The following TRIOBP variants were observed in gnomAD, a reference collection of about 807,000 sequenced individuals.
The protein encoded by TRIOBP is TRIO and F-actin binding protein.
Under a neutral mutation model 238.8 loss-of-function variants are expected in TRIOBP, and 169 were observed. The ratio of observed to expected loss-of-function variants is 0.71; its 90% CI spans 0.62 to 0.80. The LOEUF is 0.80. Among genes scored for constraint, TRIOBP ranks in the 30% least tolerant of loss-of-function variants. TRIOBP has a pLI of 0.00. For synonymous variants in TRIOBP, 1,150 were observed against 1,274.4 expected (o/e 0.90, Z 2.08); for missense variants, 2,838 against 3,122.6 (o/e 0.91, Z 2.17).
chr22:37,769,427 C>A (rs1926661072), intron 21 of TRIOBP, 52 bp downstream of exon 21: 2 of 1,490,452 alleles, frequency 1.3e-6, no homozygotes, highest in African/African-American at 2.8e-5. Context: ...GGGCCCGGGG[C>A]TATGGGGCAC....
intron 11 of TRIOBP, among the ~76,000 whole-genome samples, chr22:37,749,232 G>A (rs867169323): frequency 6.6e-6 from 1 of 152,166 alleles, no homozygotes; most frequent in Admixed American, 6.5e-5. Context: ...GTGGGTGCTT[G>A]TAATCTCAGG....
intron 17 of TRIOBP, among the ~76,000 whole-genome samples, chr22:37,761,913 C>A (rs1926264721): frequency 6.7e-6 from 1 of 148,946 alleles, no homozygotes; most frequent in Non-Finnish European, 1.5e-5. Flanking sequence ...AACACCCCAG[C>A]TGAGGCAGGT....
chr22:37,710,383 C>T (rs766911178), intron 3 of TRIOBP, 44 bp from the exon 4 acceptor site: 15 of 1,610,144 alleles, frequency 9.3e-6, no homozygotes. Flanking sequence ...AGGGGAGCCC[C>T]CACGTGGGCG....
At position 37,772,718 on chromosome 22, in the gene TRIOBP, G is replaced by T. The variant is rs377754533; in HGVS notation, c.7054G>T (p.Ala2352Ser). ...GGAGCACCTGCGTCTTGCCATGGCC[G>T]CCCTCCAGGAGAAGGAGTCGATGCG... ...LKEHLRLAMA[A>S]LQEKESMRNS... The change falls in exon 23 of 24, where the codon GCC (alanine) becomes TCC (serine). Residue 2352 changes from alanine to serine, a missense_variant. Transcript: ENST00000644935. 1 of 1,613,998 alleles carries T rather than the reference G, an allele frequency of 6.2e-7. No individual in the cohort carries two copies. Among genetic ancestry groups the T allele is most frequent in the Admixed American group, 1.7e-5 (1 of 60,026 alleles).
chr22:37,769,270 T>C lies in TRIOBP; in HGVS notation c.6744T>C (p.His2248=), dbSNP rs369195136. The C allele has an allele frequency of 2.8e-5, 45 of 1,611,016 alleles. No individual in the cohort carries two copies. In the African/African-American group the frequency reaches 5.3e-4, roughly 19 times the overall value. ...CACCGTGCCTCTCCCAGGAGCTGCATGGCCGCCTGTCAGAGGAGATAGACC... is the reference window on the plus strand; with the variant it reads ...CACCGTGCCTCTCCCAGGAGCTGCACGGCCGCCTGTCAGAGGAGATAGACC... ...QELLRHNQEL[H]GRLSEEIDQL... is the part of the protein sequence containing the mutation. The change falls in exon 21 of 24, where the codon CAT becomes CAC. Residue 2248 remains histidine (H), a synonymous_variant. Coordinates refer to ENST00000644935, the MANE Select transcript of TRIOBP (RefSeq NM_001039141.3).
In TRIOBP at chr22:37,772,710, C is replaced by T. The variant is rs1344331233; in HGVS notation, c.7046C>T (p.Ala2349Val). Residue 2349 changes from alanine to valine, a missense_variant, in exon 23 of 24, where the codon GCC (alanine) becomes GTC (valine). Around this residue, in one of 5 missense-constraint regions of TRIOBP, gnomAD observed 2,096 missense variants for 2,137.4 expected, o/e 0.98. Coordinates refer to ENST00000644935, the MANE Select transcript of TRIOBP (RefSeq NM_001039141.3). The part of the protein sequence containing the change: ...IEQLKEHLRL[A>V]MAALQEKESM... ...CAGCTGAAGGAGCACCTGCGTCTTG[C>T]CATGGCCGCCCTCCAGGAGAAGGAG... is the stretch of plus-strand genomic sequence containing the variant. 2.5e-6 allele frequency: 4 copies of T among 1,613,944 alleles called. No homozygotes were observed. Among genetic ancestry groups the T allele is most frequent in the Middle Eastern group, 1.6e-4 (1 of 6,084 alleles).
chr22:37,704,381 T>TCAGAACAGAACAGAA (rs71195040), intron 3 of TRIOBP, among the ~76,000 whole-genome samples: 28 of 137,838 alleles, frequency 2.0e-4, no homozygotes, highest in African/African-American at 4.8e-4. Context: ...GGACCCTGAC[T>TCAGAACAGAACAGAA]CAGAACAGAA....
In TRIOBP at chr22:37,757,718, T is replaced by C; in HGVS notation, c.5793T>C (p.Gly1931=). Residue 1931 remains glycine (G), a synonymous_variant, in exon 16 of 24, where the codon GGT becomes GGC. Coordinates refer to ENST00000644935, the MANE Select transcript of TRIOBP (RefSeq NM_001039141.3). ...QRAGSEVISR[G]GPRKADGQRQ... ...CGGGCTCTGAGGTCATCAGCCGGGG[T>C]GGCCCTCGGAAGGCGGACGGGCAGC... is the stretch of plus-strand genomic sequence containing the variant. The C allele has an allele frequency of 1.3e-6, 2 of 1,578,164 alleles. No homozygotes were observed. The highest frequency in any genetic ancestry group is 1.2e-5 in the South Asian group (1 of 86,488).
At chr22:37,736,511 G>C (rs2145844092) in intron 9 of TRIOBP, among the ~76,000 whole-genome samples, 1 of 152,362 alleles carries the variant, frequency 6.6e-6, no homozygotes, top group Non-Finnish European at 1.5e-5. Flanking sequence ...GCTGCCACTT[G>C]ACAGATGGGG....
intron 11 of TRIOBP, chr22:37,751,104 C>G: frequency 2.3e-6 from 1 of 433,898 alleles, no homozygotes; most frequent in Non-Finnish European, 4.7e-6. Flanking sequence ...TTTATCTAGG[C>G]CTGGGTGGGG....
At chr22:37,722,361 T>C (rs1923874478) in intron 6 of TRIOBP, among the ~76,000 whole-genome samples, 1 of 136,934 alleles carries the variant, frequency 7.3e-6, no homozygotes, top group African/African-American at 2.8e-5. Context: ...CCAGGAGGCT[T>C]AGGTTGCGGT....
intron 22 of TRIOBP, among the ~76,000 whole-genome samples, chr22:37,772,257 G>T (rs533144579): frequency 6.6e-6 from 1 of 152,310 alleles, no homozygotes; most frequent in East Asian, 1.9e-4. Flanking sequence ...GAGCCAGACC[G>T]TGTTTACCGC....
chr22:37,743,944 G>C (rs181025224), intron 11 of TRIOBP, among the ~76,000 whole-genome samples: 3 of 151,488 alleles, frequency 2.0e-5, no homozygotes, highest in Non-Finnish European at 4.4e-5. Context: ...AGAACCATCA[G>C]GGGGTAGAAG....
At chr22:37,763,325 C>T (rs1238167810) in intron 17 of TRIOBP, among the ~76,000 whole-genome samples, 5 of 152,206 alleles carry the variant, frequency 3.3e-5, no homozygotes, top group East Asian at 1.9e-4. Context: ...CACTCCAAGG[C>T]GCAGCCAGGG....
chr22:37,736,951 G>A (rs548241226), intron 9 of TRIOBP, among the ~76,000 whole-genome samples: 115 of 152,298 alleles, frequency 7.6e-4, no homozygotes, highest in Admixed American at 1.3e-3. Flanking sequence ...TAGCCACCAC[G>A]TCACAAAGCT....
intron 11 of TRIOBP, among the ~76,000 whole-genome samples, chr22:37,744,143 G>A (rs754648161): frequency 6.6e-6 from 1 of 151,716 alleles, no homozygotes; most frequent in Non-Finnish European, 1.5e-5. Context: ...CAAGTAGCTG[G>A]GATCACAGCC....
At chr22:37,746,332 GC>G in intron 11 of TRIOBP, 1 of 1,159,120 alleles carries the variant, frequency 8.6e-7, no homozygotes, top group Non-Finnish European at 1.1e-6. Context: ...GGCGGCGGCG[GC>G]GGGGTTCCCG....
chr22:37,773,177 G>GTGGTTGGT (rs3041692), intron 23 of TRIOBP, among the ~76,000 whole-genome samples: 194 of 150,076 alleles, frequency 1.3e-3, no homozygotes, highest in Non-Finnish European at 1.5e-3. Flanking sequence ...AGGGCTCAAA[G>GTGGTTGGT]TGGTTGGTTG....
intron 6 of TRIOBP, among the ~76,000 whole-genome samples, chr22:37,717,945 A>C (rs1206321690): frequency 1.3e-5 from 2 of 152,138 alleles, no homozygotes; most frequent in African/African-American, 4.8e-5. Context: ...GGCGGGGGGA[A>C]GCTCAGGCAT....
Sources: gnomAD v4.1 joint callset for allele counts (sites outside exome capture counted in the v4.1 genomes callset) on GRCh38, gnomAD v4.1.1 for gene constraint, gnomAD v4.1.1 regional missense constraint, MANE v1.5 for transcripts, NCBI Gene and HGNC (gene_info 2026-07-23, HGNC 2026-07-21) for gene names.